The following MKLN1 variants were observed in gnomAD, a reference collection of about 807,000 sequenced individuals.
MKLN1 encodes muskelin.
In MKLN1, 18 loss-of-function variants were observed where a neutral mutation model predicts 99.0. The ratio of observed to expected loss-of-function variants is 0.18; its 90% CI spans 0.13 to 0.27. The LOEUF (loss-of-function observed/expected upper bound fraction) is 0.27. MKLN1 is among the 10% of genes least tolerant of loss of function. The pLI is 1.00. For missense variants in MKLN1, 621 were observed against 875.9 expected, an observed-to-expected ratio of 0.71 and a Z score of 3.67; for synonymous variants, 288 against 293.2, an observed-to-expected ratio of 0.98 and a Z score of 0.18.
chr7:131,182,742 T>C (rs1011433896), intron 2 of MKLN1, among the ~76,000 whole-genome samples: 4 of 152,350 alleles, frequency 2.6e-5, no homozygotes, highest in South Asian at 2.1e-4. Context: ...TAATGTTCTT[T>C]TTCTCTGGCC....
intron 3 of MKLN1, among the ~76,000 whole-genome samples, chr7:131,306,993 C>A (rs550388940): frequency 6.6e-6 from 1 of 152,166 alleles, no homozygotes; most frequent in Non-Finnish European, 1.5e-5. Flanking sequence ...ACCAGGGCCC[C>A]ACTACTCTGC....
At chr7:131,213,407 A>G (rs1160445769) in intron 3 of MKLN1, among the ~76,000 whole-genome samples, 4 of 152,212 alleles carry the variant, frequency 2.6e-5, no homozygotes, top group East Asian at 1.9e-4. Flanking sequence ...CAGTGATGCT[A>G]TAACAAACAA....
chr7:131,234,781 G>A (rs1417605153), intron 3 of MKLN1, among the ~76,000 whole-genome samples: 2 of 152,106 alleles, frequency 1.3e-5, no homozygotes, highest in Non-Finnish European at 2.9e-5. Context: ...CTCTCCCAAA[G>A]CAATTTCCCC....
Position 131,132,651 on chromosome 7 carries a change from G to A in MKLN1, c.-418-10169G>A, listed in dbSNP as rs141747766. Among the ~76,000 whole-genome samples the A allele has an allele frequency of 4.0e-3, 612 of 152,210 alleles. 6 individuals are homozygous for A. The highest frequency in any genetic ancestry group is 4.0e-3 in the Non-Finnish European group (275 of 68,008). On this transcript the variant is annotated intron_variant, in intron 1 of 7. Transcript: ENST00000416992. ...ATAAATGAAAAACCAAAGGCCGGGC[G>A]CGGTGGCTCACACCTGTAATCCAGC...
chr7:131,401,212 T>G (rs1794534663), intron 6 of MKLN1, among the ~76,000 whole-genome samples: 1 of 152,190 alleles, frequency 6.6e-6, no homozygotes, highest in South Asian at 2.1e-4. Flanking sequence ...TCTTTAAGTA[T>G]TTTCTGTATT....
intron 17 of MKLN1, among the ~76,000 whole-genome samples, chr7:131,484,548 A>T (rs1321144106): frequency 6.6e-6 from 1 of 152,186 alleles, no homozygotes; most frequent in Non-Finnish European, 1.5e-5. Flanking sequence ...ACCACACAGG[A>T]ACTCAGTGTT....
chr7:131,390,826 C>T (rs1380187873), intron 4 of MKLN1, among the ~76,000 whole-genome samples: 3 of 152,142 alleles, frequency 2.0e-5, no homozygotes, highest in East Asian at 3.9e-4. Context: ...GCATTTCTCT[C>T]ATCACCTTTT....
chr7:131,288,623 G>A (rs978410235), intron 3 of MKLN1, among the ~76,000 whole-genome samples: 2 of 152,210 alleles, frequency 1.3e-5, no homozygotes, highest in South Asian at 2.1e-4. Flanking sequence ...TGGCAACGAG[G>A]AGTGGGAAGG....
At chr7:131,395,971 T>C (rs1794347185) in intron 4 of MKLN1, among the ~76,000 whole-genome samples, 1 of 152,002 alleles carries the variant, frequency 6.6e-6, no homozygotes, top group Non-Finnish European at 1.5e-5. Context: ...AATAGGACTT[T>C]TTTGAGGTAT....
chr7:131,127,931 A>G (rs1795488236), intron 1 of MKLN1, among the ~76,000 whole-genome samples: 1 of 152,244 alleles, frequency 6.6e-6, no homozygotes, highest in Non-Finnish European at 1.5e-5. Flanking sequence ...AAAAATGACA[A>G]GGAATGGTCC....
chr7:131,417,724 T>C (rs983046429), intron 8 of MKLN1, among the ~76,000 whole-genome samples: 6 of 152,202 alleles, frequency 3.9e-5, no homozygotes, highest in African/African-American at 1.4e-4. Flanking sequence ...GTCGACATTT[T>C]GATATCTTAG....
intron 17 of MKLN1, among the ~76,000 whole-genome samples, chr7:131,486,935 T>TTC (rs1797298141): frequency 1.3e-5 from 2 of 152,130 alleles, no homozygotes; most frequent in African/African-American, 4.8e-5. Flanking sequence ...ATAAAAGTAG[T>TTC]TCATTGCCTT....
chr7:131,160,493 A>T (rs1319455411), intron 2 of MKLN1, among the ~76,000 whole-genome samples: 23 of 9,480 alleles, frequency 2.4e-3, no homozygotes, highest in African/African-American at 3.9e-3. Flanking sequence ...ATTATTATTA[A>T]TTATTATTAT....
At chr7:131,121,165 T>TAC (rs1795362302) in intron 1 of MKLN1, among the ~76,000 whole-genome samples, 1 of 152,084 alleles carries the variant, frequency 6.6e-6, no homozygotes, top group South Asian at 2.1e-4. Flanking sequence ...GGGGAAGTGC[T>TAC]ACACACACTT....
At chr7:131,457,955 A>C (rs1475392677) in intron 12 of MKLN1, among the ~76,000 whole-genome samples, 1 of 152,182 alleles carries the variant, frequency 6.6e-6, no homozygotes, top group African/African-American at 2.4e-5. Flanking sequence ...GAAATAATGG[A>C]GATACATTTC....
intron 2 of MKLN1, among the ~76,000 whole-genome samples, chr7:131,186,115 C>T (rs962979394): frequency 2.6e-5 from 4 of 152,078 alleles, no homozygotes; most frequent in African/African-American, 9.7e-5. Flanking sequence ...TCCTTGCACC[C>T]GGAAGGTGGA....
At chr7:131,430,539 C>G (rs925633506) in intron 9 of MKLN1, among the ~76,000 whole-genome samples, 1 of 152,034 alleles carries the variant, frequency 6.6e-6, no homozygotes. Context: ...TTGTGTTAAG[C>G]CTAGGTTTCA....
chr7:131,460,370 G>T (rs1215356932), intron 12 of MKLN1, among the ~76,000 whole-genome samples: 2 of 141,572 alleles, frequency 1.4e-5, no homozygotes, highest in African/African-American at 5.3e-5. Context: ...CAGTGTGTAG[G>T]TCTCTTTTTC....
upstream of MKLN1, among the ~76,000 whole-genome samples, chr7:131,325,702 CAAA>C (rs3837072): frequency 6.9e-6 from 1 of 144,756 alleles, no homozygotes; most frequent in South Asian, 2.2e-4. Flanking sequence ...GATTCTGTCT[CAAA>C]AAAAAAAAAC....
Sources: allele counts gnomAD v4.1 joint callset (sites outside exome capture counted in the v4.1 genomes callset), GRCh38; gene constraint gnomAD v4.1.1; transcripts MANE v1.5; gene names NCBI Gene and HGNC (gene_info 2026-07-23, HGNC 2026-07-21).